The following LHFPL3 variants were observed in gnomAD, a reference collection of about 807,000 sequenced individuals.
The protein encoded by LHFPL3 is LHFPL tetraspan subfamily member 3.
In LHFPL3, 5 loss-of-function variants were observed where a neutral mutation model predicts 19.3. The ratio of observed to expected loss-of-function variants is 0.26; its 90% confidence interval spans 0.14 to 0.54. The LOEUF (loss-of-function observed/expected upper bound fraction) is 0.54, where lower values mean the gene tolerates loss of function less well. LHFPL3 is among the 20% of genes least tolerant of loss of function. The pLI is 0.94. For missense variants in LHFPL3, 249 were observed against 307.4 expected (o/e 0.81, Z 1.42); for synonymous variants, 133 against 126.2 (o/e 1.05, Z -0.36).
chr7:104,503,780 G>A (rs1263566511), intron 1 of LHFPL3, among the ~76,000 whole-genome samples: 1 of 152,058 alleles, frequency 6.6e-6, no homozygotes, highest in East Asian at 1.9e-4. Flanking sequence ...AGATTGCCTA[G>A]GCTGGTCTCA....
chr7:104,374,668 C>G (rs560265588), intron 1 of LHFPL3, among the ~76,000 whole-genome samples: 4 of 152,080 alleles, frequency 2.6e-5, no homozygotes, highest in African/African-American at 9.7e-5. Flanking sequence ...GTTAGAAACA[C>G]GTGGAACCCT....
intron 2 of LHFPL3, among the ~76,000 whole-genome samples, chr7:104,774,888 A>C (rs577322499): frequency 6.6e-6 from 1 of 152,200 alleles, no homozygotes; most frequent in Non-Finnish European, 1.5e-5. Flanking sequence ...TTAGAGCAGA[A>C]CCATAGACTG....
At chr7:104,503,905 A>G (rs955646206) in intron 1 of LHFPL3, among the ~76,000 whole-genome samples, 2 of 152,154 alleles carry the variant, frequency 1.3e-5, no homozygotes, top group African/African-American at 4.8e-5. Context: ...ACATTTATTT[A>G]GCATTTATAT....
At chr7:104,867,316 T>C (rs1379417356) in intron 2 of LHFPL3, among the ~76,000 whole-genome samples, 3 of 151,848 alleles carry the variant, frequency 2.0e-5, no homozygotes, top group Admixed American at 1.3e-4. Flanking sequence ...ATCAACAAAA[T>C]TGACAGACCG....
intron 1 of LHFPL3, among the ~76,000 whole-genome samples, chr7:104,689,191 T>A (rs1792861785): frequency 6.6e-6 from 1 of 152,158 alleles, no homozygotes; most frequent in Admixed American, 6.5e-5. Flanking sequence ...CTGCACTCAC[T>A]CAATTAGAAA....
intron 2 of LHFPL3, among the ~76,000 whole-genome samples, chr7:104,769,492 G>T (rs560285629): frequency 2.0e-5 from 3 of 152,030 alleles, no homozygotes; most frequent in Non-Finnish European, 4.4e-5. Flanking sequence ...AAGTTCTGGG[G>T]TACATGTGCA....
chr7:104,608,455 A>G (rs922515646), intron 1 of LHFPL3, among the ~76,000 whole-genome samples: 1 of 133,442 alleles, frequency 7.5e-6, no homozygotes, highest in Admixed American at 8.9e-5. Context: ...ACGAGAACAC[A>G]TGGACACAGG....
At chr7:104,699,005 G>A (rs1382873441) in intron 1 of LHFPL3, among the ~76,000 whole-genome samples, 3 of 152,184 alleles carry the variant, frequency 2.0e-5, no homozygotes, top group Non-Finnish European at 2.9e-5. Context: ...TTCACATACA[G>A]TATAATTGGT....
chr7:104,862,130 A>G (rs982953333), intron 2 of LHFPL3, among the ~76,000 whole-genome samples: 1 of 152,194 alleles, frequency 6.6e-6, no homozygotes, highest in African/African-American at 2.4e-5. Context: ...GGAGATTAAA[A>G]AAAAATACCC....
chr7:104,889,802 AAATT>A (rs562871564), intron 2 of LHFPL3, among the ~76,000 whole-genome samples: 102 of 152,362 alleles, frequency 6.7e-4, no homozygotes, highest in Non-Finnish European at 1.2e-3. Flanking sequence ...TTCAGTGGAT[AAATT>A]AATGGAAACA....
chr7:104,833,020 TAATAG>T (rs1294858239), intron 2 of LHFPL3, among the ~76,000 whole-genome samples: 2 of 89,060 alleles, frequency 2.2e-5, no homozygotes, highest in African/African-American at 9.1e-5. Context: ...ATATTATATA[TAATAG>T]ATATATTATA....
At chr7:104,710,564 G>A (rs754412884) in intron 1 of LHFPL3, among the ~76,000 whole-genome samples, 9 of 152,186 alleles carry the variant, frequency 5.9e-5, no homozygotes, top group East Asian at 5.8e-4. Context: ...TAAAACAGCC[G>A]CCAGACTACC....
At position 104,906,114 on chromosome 7, in the gene LHFPL3, C is replaced by A. The variant is rs568842121; in HGVS notation, c.683-73C>A. The stretch of plus-strand genomic sequence containing the variant: ...CGTGACAAATATTATGCACAAAAAT[C>A]TTGCAGACAGAAAATGATGTATTTT... On this transcript the variant is annotated intron_variant, in intron 2 of 2. Transcript: ENST00000424859. 2.3e-4 allele frequency: 320 copies of A among 1,417,020 alleles called. 1 individual carries two copies. In the African/African-American group the frequency reaches 4.2e-3, roughly 18 times the overall value. 87.8% of individuals were successfully genotyped at this position (1,417,020 alleles called of 1,614,324 possible). A position where few individuals can be genotyped will look rare whatever the true frequency, so the allele number is the denominator to read the frequency against.
intron 1 of LHFPL3, among the ~76,000 whole-genome samples, chr7:104,382,533 C>T (rs890653841): frequency 2.0e-5 from 3 of 152,102 alleles, no homozygotes; most frequent in Admixed American, 6.6e-5. Context: ...GCTTGCAAGT[C>T]GTTGATGCCT....
intron 1 of LHFPL3, among the ~76,000 whole-genome samples, chr7:104,727,597 A>G (rs1231443135): frequency 4.6e-5 from 7 of 152,234 alleles, no homozygotes; most frequent in Non-Finnish European, 8.8e-5. Context: ...AACAGCTATG[A>G]AAGTGCAGAG....
chr7:104,825,081 G>C (rs904575014), intron 2 of LHFPL3, among the ~76,000 whole-genome samples: 2 of 150,616 alleles, frequency 1.3e-5, no homozygotes, highest in African/African-American at 2.5e-5. Flanking sequence ...ACAGGGGAGT[G>C]GGGGAGAGAG....
At chr7:104,626,659 A>G (rs955345233) in intron 1 of LHFPL3, among the ~76,000 whole-genome samples, 1 of 152,174 alleles carries the variant, frequency 6.6e-6, no homozygotes, top group Non-Finnish European at 1.5e-5. Context: ...TAACCAAATT[A>G]TAGGGTGTGG....
intron 2 of LHFPL3, among the ~76,000 whole-genome samples, chr7:104,833,129 T>C (rs1279566667): frequency 3.1e-5 from 2 of 64,950 alleles, no homozygotes; most frequent in Non-Finnish European, 3.1e-5. Flanking sequence ...AGGATATATA[T>C]ATATACACTC....
intron 2 of LHFPL3, among the ~76,000 whole-genome samples, chr7:104,817,037 A>G (rs1278390650): frequency 6.6e-6 from 1 of 152,060 alleles, no homozygotes; most frequent in Non-Finnish European, 1.5e-5. Context: ...CTTTCCACCC[A>G]GGCAAATTCT....
Sources: gnomAD v4.1 joint callset for allele counts (sites outside exome capture counted in the v4.1 genomes callset) on GRCh38, gnomAD v4.1.1 for gene constraint, MANE v1.5 for transcripts, NCBI Gene and HGNC (gene_info 2026-07-23, HGNC 2026-07-21) for gene names.